The following LPIN2 variants were observed in gnomAD, a reference collection of about 807,000 sequenced individuals.
LPIN2 encodes the protein lipin 2.
In LPIN2, 55 loss-of-function variants were observed where a neutral mutation model predicts 111.4. The ratio of observed to expected loss-of-function variants is 0.49; its 90% CI spans 0.40 to 0.62. The LOEUF is 0.62. LPIN2 is among the 20% of genes least tolerant of loss of function. The probability of loss-of-function intolerance (pLI) is 0.00; values close to 1 mark genes in which losing one functional copy is unlikely to be tolerated. For missense variants in LPIN2, 992 were observed against 1,112.1 expected, an observed-to-expected ratio of 0.89 and a Z score of 1.54; for synonymous variants, 425 against 414.0, an observed-to-expected ratio of 1.03 and a Z score of -0.32.
chr18:2,922,278 ACTTTT>A, intron 16 of LPIN2, 79 bp from the exon 17 acceptor site: 2 of 1,476,802 alleles, frequency 1.4e-6, no homozygotes, highest in South Asian at 1.2e-5. Context: ...AAAACCCCAC[ACTTTT>A]CTTTCTTTTT....
At chr18:2,923,652 G>A (rs1424859212) in intron 16 of LPIN2, 123 bp downstream of exon 16, 1 of 860,430 alleles carries the variant, frequency 1.2e-6, no homozygotes, top group East Asian at 2.4e-5. Context: ...GAGTGAGGAA[G>A]AGCGGGAATG....
At chr18:2,945,306 C>G (rs1322441544) in intron 4 of LPIN2, among the ~76,000 whole-genome samples, 1 of 152,166 alleles carries the variant, frequency 6.6e-6, no homozygotes, top group Non-Finnish European at 1.5e-5. Flanking sequence ...TCTTCAAGTA[C>G]AGGACACAAC....
At chr18:2,923,588 C>T (rs543007510) in intron 16 of LPIN2, among the ~76,000 whole-genome samples, 187 bp downstream of exon 16, 3 of 152,120 alleles carry the variant, frequency 2.0e-5, no homozygotes, top group African/African-American at 4.8e-5. Context: ...TGAGATGACA[C>T]AGGTTCGATG....
In LPIN2 at chr18:3,002,393, C is replaced by T. The variant is rs74375416; in HGVS notation, c.-10+10694G>A. Among the ~76,000 whole-genome samples the T allele has an allele frequency of 2.6e-3, 395 of 152,150 alleles. 3 individuals are homozygous for T. The highest frequency in any genetic ancestry group is 9.0e-3 in the African/African-American group (374 of 41,528). On this transcript the variant is annotated intron_variant, in intron 1 of 19. Transcript: ENST00000677752. ...TCAATTATTCAAGCTTATAGAAAAA[C>T]ATTAGAGGCCTTATGAACTAATCAG...
At chr18:2,986,547 T>TGAAGA (rs10692682) in intron 1 of LPIN2, among the ~76,000 whole-genome samples, 3 of 135,044 alleles carry the variant, frequency 2.2e-5, no homozygotes, top group Non-Finnish European at 4.7e-5. Context: ...TTTTTTAATG[T>TGAAGA]AAAAAAAAAA....
At chr18:2,935,029 C>G (rs1275744635) in intron 7 of LPIN2, among the ~76,000 whole-genome samples, 1 of 152,264 alleles carries the variant, frequency 6.6e-6, no homozygotes, top group Non-Finnish European at 1.5e-5. Flanking sequence ...ATAAACTAAT[C>G]TTCAATTCAA....
At chr18:3,005,077 C>T (rs57408394) in intron 1 of LPIN2, among the ~76,000 whole-genome samples, 13,117 of 152,240 alleles carry the variant, frequency 0.086, 1,383 homozygotes, top group African/African-American at 0.26. Flanking sequence ...CAGCCAGGTG[C>T]GGTGGCTCAT....
chr18:3,009,534 G>A (rs2143512735), intron 1 of LPIN2, among the ~76,000 whole-genome samples: 1 of 151,686 alleles, frequency 6.6e-6, no homozygotes, highest in South Asian at 2.1e-4. Context: ...TGCCTCCCAG[G>A]TTCAAATGAT....
chr18:2,968,547 G>A (rs1303050396), intron 1 of LPIN2, among the ~76,000 whole-genome samples: 1 of 150,626 alleles, frequency 6.6e-6, no homozygotes, highest in African/African-American at 2.4e-5. Flanking sequence ...TTGGGAGACT[G>A]TTAGGAAGAC....
Position 2,956,886 on chromosome 18 carries a change from T to C in LPIN2, c.193-2287A>G, listed in dbSNP as rs1352617300. 3.3e-5 allele frequency among the ~76,000 whole-genome samples: 5 copies of C among 152,190 alleles called. No individual in the cohort carries two copies. In the East Asian group the frequency reaches 7.7e-4, roughly 23 times the overall value. ...TAAACCTAACATCAAATTATGCTAA[T>C]ATTGGCAATACTTAAAAGAATATGC... On this transcript the variant is annotated intron_variant, in intron 2 of 19. Transcript: ENST00000677752.
intron 1 of LPIN2, among the ~76,000 whole-genome samples, chr18:2,996,058 C>T (rs1304669138): frequency 6.6e-6 from 1 of 152,060 alleles, no homozygotes; most frequent in Admixed American, 6.6e-5. Context: ...TAAAATGTTA[C>T]GGCCGGGCGC....
At chr18:2,958,141 C>CAAAAAAAAAACAAAACAAAAAA (rs2077642637) in intron 2 of LPIN2, among the ~76,000 whole-genome samples, 1 of 11,954 alleles carries the variant, frequency 8.4e-5, no homozygotes, top group Non-Finnish European at 2.0e-4. Context: ...GACTCCATCT[C>CAAAAAAAAAACAAAACAAAAAA]AAAAAAAAAA....
chr18:3,006,899 C>A (rs866277085), intron 1 of LPIN2, among the ~76,000 whole-genome samples: 1 of 151,444 alleles, frequency 6.6e-6, no homozygotes, highest in East Asian at 2.0e-4. Context: ...ACTGGGGAGG[C>A]TGAGGTAGGA....
intron 1 of LPIN2, among the ~76,000 whole-genome samples, chr18:2,991,733 C>T (rs1025858300): frequency 6.6e-6 from 1 of 151,740 alleles, no homozygotes. Context: ...ATAATAAGGC[C>T]GGGCACAGTG....
chr18:2,922,093 C>G lies in LPIN2; in HGVS notation c.2281G>C (p.Gly761Arg). 1 of 1,613,924 alleles carries G rather than the reference C, an allele frequency of 6.2e-7. No individual in the cohort carries two copies. Among genetic ancestry groups the G allele is most frequent in the Non-Finnish European group, 8.5e-7 (1 of 1,179,968 alleles). ...VNDKGTILPRGPLMLSPSSLF... is the reference protein window; with the variant it reads ...VNDKGTILPRRPLMLSPSSLF... Reference sequence around the variant, plus strand: ...CTGCTGGGGGACAGCATCAGGGGGCCCCGGGGCAAGATTGTGCCCTTGTCA... The same window carrying G: ...CTGCTGGGGGACAGCATCAGGGGGCGCCGGGGCAAGATTGTGCCCTTGTCA... The change falls in exon 17 of 20, where the codon GGC becomes CGC. Residue 761 changes from glycine to arginine, a missense_variant. Around this residue, in one of 4 missense-constraint regions of LPIN2, gnomAD observed 185 missense variants for 186.5 expected, o/e 0.99. Coordinates refer to ENST00000677752, the MANE Select transcript of LPIN2 (RefSeq NM_001375808.2).
intron 1 of LPIN2, among the ~76,000 whole-genome samples, chr18:2,964,149 G>A (rs1345182993): frequency 2.0e-5 from 3 of 151,554 alleles, no homozygotes; most frequent in Non-Finnish European, 4.4e-5. Flanking sequence ...CGGGCGTGAT[G>A]GCGTGCGCCT....
At chr18:3,005,350 T>A (rs529107421) in intron 1 of LPIN2, among the ~76,000 whole-genome samples, 14 of 144,650 alleles carry the variant, frequency 9.7e-5, no homozygotes, top group Admixed American at 8.3e-4. Context: ...AGACTCCGTC[T>A]CAAAAAAAAA....
chr18:2,937,388 AC>A (rs1349664150), intron 7 of LPIN2, among the ~76,000 whole-genome samples: 3 of 151,948 alleles, frequency 2.0e-5, no homozygotes, highest in Non-Finnish European at 2.9e-5. Context: ...TATTAAAAAT[AC>A]AAAAAATCAG....
chr18:2,975,837 T>C (rs1299295935), intron 1 of LPIN2, among the ~76,000 whole-genome samples: 8 of 152,232 alleles, frequency 5.3e-5, no homozygotes, highest in Non-Finnish European at 1.5e-5. Context: ...TTTCAGCAGG[T>C]TGCTATAGAA....
Sources: allele counts gnomAD v4.1 joint callset (sites outside exome capture counted in the v4.1 genomes callset), GRCh38; gene constraint gnomAD v4.1.1; regional missense constraint gnomAD v4.1.1; transcripts MANE v1.5; gene names NCBI Gene and HGNC (gene_info 2026-07-23, HGNC 2026-07-21).